The following MESD variants were observed in gnomAD, a reference collection of about 807,000 sequenced individuals.
MESD encodes the protein LRP chaperone MESD.
Under a neutral mutation model 12.9 loss-of-function variants are expected in MESD, and 7 were observed. The ratio of observed to expected loss-of-function variants is 0.54; its 90% CI spans 0.31 to 1.02. The LOEUF (loss-of-function observed/expected upper bound fraction) is 1.02, where lower values mean the gene tolerates loss of function less well. Among genes scored for constraint, MESD ranks in the 50% least tolerant of loss-of-function variants. MESD has a pLI of 0.05. For missense variants in MESD, 342 were observed against 296.7 expected, an observed-to-expected ratio of 1.15 and a Z score of -1.12; for synonymous variants, 126 against 115.6, an observed-to-expected ratio of 1.09 and a Z score of -0.58.
In MESD at chr15:80,964,601, C is replaced by T. The variant is rs114601853; in HGVS notation, c.*289-12305G>A. Among the ~76,000 whole-genome samples the T allele has an allele frequency of 7.3e-3, 1,114 of 152,350 alleles. 16 individuals are homozygous for T. The highest frequency in any genetic ancestry group is 0.026 in the African/African-American group (1,065 of 41,576). ...CTACAGCAATCAAAACAGCATGGCA[C>T]TGTTGCCAAAACAGATATATAAACC... On this transcript the variant is annotated intron_variant, in intron 3 of 4. Transcript: ENST00000561312.
At chr15:80,975,686 C>T (rs1379477003), downstream of MESD, 2 of 151,710 alleles carry the variant, frequency 1.3e-5, no homozygotes, top group Admixed American at 1.3e-4. Flanking sequence ...CACAGTATCA[C>T]CATCAAAACC....
chr15:80,954,263 A>G (rs1337162320), intron 3 of MESD, among the ~76,000 whole-genome samples: 1 of 152,148 alleles, frequency 6.6e-6, no homozygotes, highest in Non-Finnish European at 1.5e-5. Context: ...TCCAGACTGT[A>G]GCCTCCTGCA....
At chr15:80,988,716 G>A (rs139949802) in intron 1 of MESD, among the ~76,000 whole-genome samples, 26 of 152,282 alleles carry the variant, frequency 1.7e-4, no homozygotes, top group African/African-American at 6.3e-4. Flanking sequence ...AGTGTTGGAA[G>A]GAATCTTAGG....
chr15:80,982,315 G>T (rs1902604077), intron 1 of MESD, 133 bp from the exon 2 acceptor site: 1 of 688,046 alleles, frequency 1.5e-6, no homozygotes, highest in South Asian at 1.9e-5. Context: ...AAAACCAGGG[G>T]TTTTCTTCCT....
In MESD at chr15:80,982,039, A is replaced by T; in HGVS notation, c.357T>A (p.Thr119=). 1 of 1,614,146 alleles carries T rather than the reference A, an allele frequency of 6.2e-7. No homozygotes were observed. Among genetic ancestry groups the T allele is most frequent in the Non-Finnish European group, 8.5e-7 (1 of 1,180,030 alleles). The part of the protein sequence containing the change: ...KKGKTLMMFV[T]VSGSPTEKET... ...CCTTCTCAGTAGGGCTTCCTGATAC[A>T]GTGACAAACATCATGAGAGTCTTCC... The change falls in exon 2 of 3, where the codon ACT becomes ACA. Residue 119 remains threonine (T), a synonymous_variant. Coordinates refer to ENST00000261758, the MANE Select transcript of MESD (RefSeq NM_015154.3).
chr15:80,980,938 C>T (rs986764822), intron 2 of MESD, among the ~76,000 whole-genome samples: 1 of 151,838 alleles, frequency 6.6e-6, no homozygotes, highest in African/African-American at 2.4e-5. Context: ...ATTCTCCTGC[C>T]TCAGCCTCTG....
intron 3 of MESD, among the ~76,000 whole-genome samples, chr15:80,955,502 A>AAAAAAAAAAAAAAAAAG (rs1483500188): frequency 3.5e-5 from 5 of 143,418 alleles, no homozygotes; most frequent in African/African-American, 1.2e-4. Flanking sequence ...AAAAAAAAAA[A>AAAAAAAAAAAAAAAAAG]AAAGAAATGC....
rs1423570969 is a variant in MESD at position 80,978,899 on chromosome 15, G to A, written c.*320C>T. The stretch of plus-strand genomic sequence containing the variant: ...CCCAATCACAGCAGGTGCTTGGAGG[G>A]GAGTGGAATCTCAGTAGAGTTGATG... On this transcript the variant is annotated 3_prime_UTR_variant, in exon 3 of 3. Coordinates refer to ENST00000261758, the MANE Select transcript of MESD (RefSeq NM_015154.3). 5.5e-6 allele frequency: 2 copies of A among 363,918 alleles called. No individual in the cohort carries two copies. The highest frequency in any genetic ancestry group is 8.8e-5 in the Admixed American group (2 of 22,676). The allele number at this position is 363,918 out of a possible 1,614,324, so 22.5% of individuals were successfully genotyped here.
chr15:80,961,936 C>T (rs571027710), intron 3 of MESD, among the ~76,000 whole-genome samples: 2 of 152,300 alleles, frequency 1.3e-5, no homozygotes, highest in African/African-American at 2.4e-5. Context: ...CATCAATTAA[C>T]GGGCGAAATA....
exon 5 of MESD, chr15:80,948,625 G>T: frequency 1.2e-6 from 1 of 865,486 alleles, no homozygotes; most frequent in Non-Finnish European, 1.9e-6. Flanking sequence ...ACAAACACAT[G>T]TCAGGCACCA....
chr15:80,946,965 T>C (rs979730278), downstream of MESD: 4 of 1,609,076 alleles, frequency 2.5e-6, no homozygotes, highest in Non-Finnish European at 3.4e-6. Context: ...TCTCACACAG[T>C]TCCATAGTGC....
At position 80,989,761 on chromosome 15, in the gene MESD, C is replaced by A. The variant is rs895071087; in HGVS notation, c.31G>T (p.Val11Leu). Reference protein sequence around the residue: MAASRWARKAVVLLCASDLLL... With the variant: MAASRWARKALVLLCASDLLL... ...AGGTCAGAGGCACAAAGCAGGACCA[C>A]GGCCTTGCGCGCCCACCTGGAAGCC... Residue 11 changes from valine (V) to leucine (L), a missense_variant, in exon 1 of 3, where the codon GTG (valine) becomes TTG (leucine). Physicochemically the swap from Val to Leu is conservative, Grantham distance 32. Coordinates refer to ENST00000261758, the MANE Select transcript of MESD (RefSeq NM_015154.3). 5 of 1,595,870 alleles carry A rather than the reference C, an allele frequency of 3.1e-6. No homozygotes were observed. In the African/African-American group the frequency reaches 6.7e-5, roughly 21 times the overall value.
In MESD at chr15:80,959,691, C is replaced by T. The variant is rs150330224; in HGVS notation, c.*289-7395G>A. On this transcript the variant is annotated intron_variant, in intron 3 of 4. Transcript: ENST00000561312. ...ATTTTTAACCCCTCTTCTTCCAATCCCCCCACCTTTGTGCCCCTGCAGGAG... is the reference window on the plus strand; with the variant it reads ...ATTTTTAACCCCTCTTCTTCCAATCTCCCCACCTTTGTGCCCCTGCAGGAG... 2.4e-3 allele frequency among the ~76,000 whole-genome samples: 370 copies of T among 152,208 alleles called. 3 individuals are homozygous for T. Among genetic ancestry groups the T allele is most frequent in the African/African-American group, 8.4e-3 (349 of 41,508 alleles).
At chr15:80,958,247 T>A (rs1364318979) in intron 3 of MESD, among the ~76,000 whole-genome samples, 14 of 152,288 alleles carry the variant, frequency 9.2e-5, no homozygotes, top group Non-Finnish European at 1.0e-4. Context: ...TACTAGAACA[T>A]CAGAATTCTC....
chr15:80,980,052 A>G (rs1902533294), intron 2 of MESD, among the ~76,000 whole-genome samples: 1 of 152,252 alleles, frequency 6.6e-6, no homozygotes, highest in African/African-American at 2.4e-5. Flanking sequence ...AGCGGAAAGA[A>G]TGAGGCCTGG....
intron 4 of MESD, chr15:80,949,431 G>C (rs1444786597): frequency 4.7e-6 from 1 of 214,380 alleles, no homozygotes; most frequent in Non-Finnish European, 9.6e-6. Flanking sequence ...AGGATTAGGA[G>C]CTGGGGTAGA....
At chr15:80,949,535 A>C (rs1901728204) in intron 4 of MESD, 1 of 167,478 alleles carries the variant, frequency 6.0e-6, no homozygotes, top group Non-Finnish European at 1.3e-5. Context: ...GGACTAGATG[A>C]CTCTCAAAGG....
chr15:80,948,470 C>A (rs974195898), exon 5 of MESD: 2 of 391,450 alleles, frequency 5.1e-6, no homozygotes, highest in African/African-American at 2.1e-5. Context: ...GTCCTAGGGG[C>A]AGCTCAAAGG....
intron 1 of MESD, among the ~76,000 whole-genome samples, chr15:80,983,538 G>C (rs956718978): frequency 3.9e-5 from 6 of 152,172 alleles, no homozygotes; most frequent in African/African-American, 1.4e-4. Flanking sequence ...TATTAGGCTG[G>C]AATTGAAGGT....
Sources: gnomAD v4.1 joint callset for allele counts (sites outside exome capture counted in the v4.1 genomes callset) on GRCh38, gnomAD v4.1.1 for gene constraint, MANE v1.5 for transcripts, NCBI Gene and HGNC (gene_info 2026-07-23, HGNC 2026-07-21) for gene names.